Variants in ADAMTSL1 observed in about 807,000 individuals in gnomAD.
ADAMTSL1 encodes ADAMTS-like protein 1.
ADAMTSL1 carries 126 observed loss-of-function variants against 201.8 expected under a neutral mutation model. That is an observed-to-expected ratio of 0.62 (90% CI 0.54 to 0.72). The LOEUF (loss-of-function observed/expected upper bound fraction) is 0.72, where lower values mean the gene tolerates loss of function less well. ADAMTSL1 is among the 30% of genes least tolerant of loss of function. ADAMTSL1 has a pLI of 0.00. For missense variants in ADAMTSL1, 2,679 were observed against 2,277.8 expected (o/e 1.18, Z -3.59); for synonymous variants, 1,121 against 903.4 (o/e 1.24, Z -4.32).
At chr9:18,316,429 G>A (rs910460367) in intron 2 of ADAMTSL1, among the ~76,000 whole-genome samples, 1 of 151,994 alleles carries the variant, frequency 6.6e-6, no homozygotes, top group African/African-American at 2.4e-5. Context: ...CACCTGGGGG[G>A]GCCGTTTATA....
chr9:18,157,963 C>A (rs1827227759), intron 1 of ADAMTSL1, among the ~76,000 whole-genome samples: 1 of 152,016 alleles, frequency 6.6e-6, no homozygotes, highest in Admixed American at 6.6e-5. Flanking sequence ...ATTGTCACTA[C>A]AGAGTGTCTG....
chr9:18,090,924 G>C (rs1173273148), intron 1 of ADAMTSL1, among the ~76,000 whole-genome samples: 1 of 151,828 alleles, frequency 6.6e-6, no homozygotes, highest in Admixed American at 6.6e-5. Flanking sequence ...TCTTATTCTG[G>C]GCTGTGTACA....
intron 2 of ADAMTSL1, among the ~76,000 whole-genome samples, chr9:18,195,623 T>C (rs948463363): frequency 1.1e-4 from 17 of 152,298 alleles, no homozygotes; most frequent in African/African-American, 4.1e-4. Flanking sequence ...AGTGGTGTTT[T>C]CTTTGGCCTT....
In ADAMTSL1 at chr9:18,837,887, T is replaced by C. The variant is rs187376641; in HGVS notation, c.4249+7910T>C. Among the ~76,000 whole-genome samples, 463 of 152,334 alleles carry C rather than the reference T, an allele frequency of 3.0e-3. 3 individuals are homozygous for C. Among genetic ancestry groups the C allele is most frequent in the African/African-American group, 0.01 (422 of 41,582 alleles). On this transcript the variant is annotated intron_variant, in intron 23 of 28. Transcript: ENST00000380548. Reference sequence around the variant, plus strand: ...TATTGGAAAGGACACCAAGGTCTTATGGGAGTCGTGACATATTCCCTGTTT... The same window carrying C: ...TATTGGAAAGGACACCAAGGTCTTACGGGAGTCGTGACATATTCCCTGTTT...
intron 3 of ADAMTSL1, among the ~76,000 whole-genome samples, chr9:18,554,116 G>A (rs368696667): frequency 3.2e-4 from 48 of 148,878 alleles, no homozygotes; most frequent in African/African-American, 8.1e-4. Flanking sequence ...CTTTTTATTC[G>A]ACCTGAAAAT....
chr9:17,992,948 T>C (rs1819220944), intron 1 of ADAMTSL1, among the ~76,000 whole-genome samples: 1 of 152,158 alleles, frequency 6.6e-6, no homozygotes, highest in South Asian at 2.1e-4. Flanking sequence ...AATGGAAAAT[T>C]GCAAATGTGA....
At chr9:18,375,366 T>C (rs1837242430) in intron 2 of ADAMTSL1, among the ~76,000 whole-genome samples, 1 of 152,192 alleles carries the variant, frequency 6.6e-6, no homozygotes, top group Non-Finnish European at 1.5e-5. Context: ...TATTATACTT[T>C]AAGTTCTAGG....
At chr9:18,391,370 C>A (rs1838037525) in intron 2 of ADAMTSL1, among the ~76,000 whole-genome samples, 1 of 152,024 alleles carries the variant, frequency 6.6e-6, no homozygotes, top group Non-Finnish European at 1.5e-5. Flanking sequence ...AAAATTATAT[C>A]TTTTATTTAT....
At chr9:18,251,327 G>A (rs937530584) in intron 2 of ADAMTSL1, among the ~76,000 whole-genome samples, 1 of 152,102 alleles carries the variant, frequency 6.6e-6, no homozygotes, top group African/African-American at 2.4e-5. Context: ...ATAGTTTTCT[G>A]AAGACGGTGT....
intron 21 of ADAMTSL1, among the ~76,000 whole-genome samples, chr9:18,825,300 C>G (rs933747458): frequency 2.0e-5 from 3 of 152,168 alleles, no homozygotes; most frequent in Admixed American, 2.0e-4. Context: ...AGCCTGGCTT[C>G]CAAAGAGAGA....
At chr9:18,023,238 A>C (rs888012287) in intron 1 of ADAMTSL1, among the ~76,000 whole-genome samples, 4 of 152,048 alleles carry the variant, frequency 2.6e-5, no homozygotes, top group Non-Finnish European at 5.9e-5. Context: ...GCTTCTTAAA[A>C]CACAGATTGC....
chr9:18,401,635 C>G (rs146149403), intron 2 of ADAMTSL1, among the ~76,000 whole-genome samples: 27 of 152,284 alleles, frequency 1.8e-4, no homozygotes, highest in Admixed American at 1.1e-3. Flanking sequence ...TTAATGGTTG[C>G]GAGAACACAT....
chr9:18,244,789 G>A (rs904953145), intron 2 of ADAMTSL1, among the ~76,000 whole-genome samples: 7 of 152,042 alleles, frequency 4.6e-5, no homozygotes. Context: ...AATGAGTCAT[G>A]CTCTCCCTCT....
chr9:18,723,373 G>A (rs1817666629), intron 15 of ADAMTSL1: 6 of 441,276 alleles, frequency 1.4e-5, no homozygotes, highest in East Asian at 9.1e-5. Context: ...CAAATGCTGA[G>A]GCAGTGCCGA....
intron 14 of ADAMTSL1, among the ~76,000 whole-genome samples, chr9:18,713,415 C>A (rs1017814958): frequency 5.9e-5 from 9 of 152,110 alleles, no homozygotes; most frequent in African/African-American, 2.2e-4. Flanking sequence ...ATCTACCAAG[C>A]AAGTGGAAAA....
intron 1 of ADAMTSL1, among the ~76,000 whole-genome samples, chr9:18,053,204 G>C (rs1049075555): frequency 6.6e-6 from 1 of 152,098 alleles, no homozygotes; most frequent in African/African-American, 2.4e-5. Context: ...CTTCAGGTGG[G>C]CAGTGACACT....
intron 2 of ADAMTSL1, among the ~76,000 whole-genome samples, chr9:18,165,374 G>T (rs1827586713): frequency 6.6e-6 from 1 of 151,754 alleles, no homozygotes; most frequent in African/African-American, 2.4e-5. Context: ...GAACTAATTA[G>T]GGACATAATG....
At chr9:18,672,398 T>G in intron 9 of ADAMTSL1, among the ~76,000 whole-genome samples, 1 of 152,294 alleles carries the variant, frequency 6.6e-6, no homozygotes, top group South Asian at 2.1e-4. Context: ...AAAGGTGATA[T>G]ATTATAGAAA....
At chr9:18,420,167 A>G (rs541886424) in intron 2 of ADAMTSL1, among the ~76,000 whole-genome samples, 1 of 152,354 alleles carries the variant, frequency 6.6e-6, no homozygotes, top group East Asian at 1.9e-4. Context: ...GAAAACCGCA[A>G]TTACTGTTGC....
Sources: gnomAD v4.1 joint callset for allele counts (sites outside exome capture counted in the v4.1 genomes callset) on GRCh38, gnomAD v4.1.1 for gene constraint, MANE v1.5 for transcripts, NCBI Gene and HGNC (gene_info 2026-07-23, HGNC 2026-07-21) for gene names.